DENND1B: variants seen among roughly 807,000 people sequenced by gnomAD.
DENND1B encodes DENN domain-containing protein 1B.
A neutral mutation model predicts 90.1 loss-of-function variants in DENND1B; 59 were observed. The observed-to-expected ratio is 0.65, with a 90% CI of 0.53 to 0.81. The LOEUF (loss-of-function observed/expected upper bound fraction) is 0.81. Ranked by LOEUF, DENND1B falls within the 40% of genes least tolerant of loss-of-function variation. The pLI, the probability that DENND1B is intolerant of heterozygous loss-of-function variation, is 0.00. For synonymous variants in DENND1B, 337 were observed against 324.6 expected (o/e 1.04, Z -0.41); for missense variants, 862 against 912.6 (o/e 0.94, Z 0.71).
At chr1:197,682,658 T>C (rs1308179021) in intron 3 of DENND1B, among the ~76,000 whole-genome samples, 1 of 152,074 alleles carries the variant, frequency 6.6e-6, no homozygotes, top group African/African-American at 2.4e-5. Context: ...AGAAATCCTA[T>C]GTAAATAGAG....
chr1:197,623,362 G>GA (rs1678347740), intron 10 of DENND1B, among the ~76,000 whole-genome samples: 1 of 151,124 alleles, frequency 6.6e-6, no homozygotes, highest in African/African-American at 2.4e-5. Flanking sequence ...AAACCATAAA[G>GA]AAAAAAACTG....
intron 14 of DENND1B, among the ~76,000 whole-genome samples, chr1:197,592,753 G>A (rs1675346716): frequency 6.6e-6 from 1 of 152,180 alleles, no homozygotes; most frequent in Admixed American, 6.5e-5. Flanking sequence ...GCCAGGTGAA[G>A]AGATGGCACC....
intron 16 of DENND1B, chr1:197,552,632 G>T (rs1235994423): frequency 3.7e-5 from 37 of 1,002,022 alleles, no homozygotes; most frequent in Non-Finnish European, 4.4e-5. Flanking sequence ...TTTTTGGATT[G>T]TATTACCAAT....
chr1:197,595,355 T>C (rs770285603), intron 13 of DENND1B, 22 bp from the exon 14 acceptor site: 6 of 1,609,666 alleles, frequency 3.7e-6, no homozygotes, highest in Non-Finnish European at 5.1e-6. Context: ...AGAGGAACAG[T>C]TAAATTAACA....
At chr1:197,517,803 A>G (rs915626798) in intron 20 of DENND1B, among the ~76,000 whole-genome samples, 2 of 151,806 alleles carry the variant, frequency 1.3e-5, no homozygotes, top group Admixed American at 6.6e-5. Flanking sequence ...TTTGCTCCAC[A>G]CTACTAAACC....
At chr1:197,635,003 G>A (rs979355734) in intron 10 of DENND1B, among the ~76,000 whole-genome samples, 2 of 147,822 alleles carry the variant, frequency 1.4e-5, no homozygotes, top group Non-Finnish European at 3.0e-5. Flanking sequence ...TGAAAAGGAA[G>A]GAAGGAAGCA....
intron 13 of DENND1B, among the ~76,000 whole-genome samples, chr1:197,596,458 G>A (rs1434658604): frequency 6.6e-6 from 1 of 151,764 alleles, no homozygotes; most frequent in Non-Finnish European, 1.5e-5. Context: ...ATTAAGTTGT[G>A]TAACAATTCT....
intron 2 of DENND1B, chr1:197,734,556 TA>T (rs1662459288): frequency 6.1e-6 from 6 of 977,796 alleles, no homozygotes; most frequent in Non-Finnish European, 7.3e-6. Context: ...GTTATTGGTA[TA>T]AAAAGAAAAA....
intron 2 of DENND1B, among the ~76,000 whole-genome samples, chr1:197,752,995 T>C (rs1393052324): frequency 1.3e-5 from 2 of 152,040 alleles, no homozygotes; most frequent in African/African-American, 2.4e-5. Context: ...TACTATTCCA[T>C]GGTGTATATG....
chr1:197,628,127 T>A (rs1452633781), intron 10 of DENND1B, among the ~76,000 whole-genome samples: 1 of 152,036 alleles, frequency 6.6e-6, no homozygotes, highest in Non-Finnish European at 1.5e-5. Context: ...TTCAATGCCA[T>A]CCCCATAAAG....
rs61476815 is a variant in DENND1B, at chr1:197,573,461, T to G, written c.1149+9691A>C. On this transcript the variant is annotated intron_variant, in intron 15 of 22. Coordinates refer to ENST00000620048, the MANE Select transcript of DENND1B (RefSeq NM_001195215.2). ...GCTCTGAAATTGTGGCAATAATCAA[T>G]AGCTTACCAACCAAAAAGAGTCCAG... Among the ~76,000 whole-genome samples the G allele has an allele frequency of 5.6e-3, 846 of 152,264 alleles. 5 individuals carry two copies. The highest frequency in any genetic ancestry group is 0.019 in the African/African-American group (810 of 41,548).
At chr1:197,716,642 GTT>G (rs751254516) in intron 2 of DENND1B, among the ~76,000 whole-genome samples, 158 of 151,906 alleles carry the variant, frequency 1.0e-3, no homozygotes, top group Non-Finnish European at 1.8e-3. Flanking sequence ...TTAAATGAAA[GTT>G]TTTATCTTCA....
chr1:197,725,111 G>C (rs1262591401), intron 2 of DENND1B, among the ~76,000 whole-genome samples: 2 of 152,060 alleles, frequency 1.3e-5, no homozygotes, highest in Non-Finnish European at 2.9e-5. Context: ...TTTAGATTTG[G>C]AAATGACAAC....
At chr1:197,719,820 TTA>T in intron 2 of DENND1B, among the ~76,000 whole-genome samples, 1 of 152,312 alleles carries the variant, frequency 6.6e-6, no homozygotes, top group East Asian at 1.9e-4. Context: ...TCCATTAATA[TTA>T]TATATTATAC....
At chr1:197,671,414 A>T (rs536469944) in intron 5 of DENND1B, among the ~76,000 whole-genome samples, 1 of 152,334 alleles carries the variant, frequency 6.6e-6, no homozygotes, top group Admixed American at 6.5e-5. Flanking sequence ...CAGGACAGAT[A>T]GGACCTTTGG....
chr1:197,721,797 C>A (rs1558443541), intron 2 of DENND1B, among the ~76,000 whole-genome samples: 1 of 151,942 alleles, frequency 6.6e-6, no homozygotes, highest in South Asian at 2.1e-4. Context: ...AAAATACCAC[C>A]AAAATGTTTT....
chr1:197,535,399 C>T (rs907366075), intron 20 of DENND1B, among the ~76,000 whole-genome samples: 2 of 152,164 alleles, frequency 1.3e-5, no homozygotes, highest in Non-Finnish European at 2.9e-5. Flanking sequence ...CCTATACAAA[C>T]TATGTTTTTT....
At chr1:197,645,788 TG>T in intron 8 of DENND1B, 45 bp from the exon 9 acceptor site, 1 of 1,279,128 alleles carries the variant, frequency 7.8e-7, no homozygotes. Context: ...TAATTAAAAC[TG>T]GTAACATATA....
intron 1 of DENND1B, 109 bp from the exon 2 acceptor site, chr1:197,773,041 C>A (rs2488396): frequency 1.1e-6 from 1 of 918,524 alleles, no homozygotes; most frequent in Non-Finnish European, 1.7e-6. Flanking sequence ...ATACATTTCA[C>A]GTGACTGTAT....
Sources: gnomAD v4.1 joint callset for allele counts (sites outside exome capture counted in the v4.1 genomes callset) on GRCh38, gnomAD v4.1.1 for gene constraint, MANE v1.5 for transcripts, NCBI Gene and HGNC (gene_info 2026-07-23, HGNC 2026-07-21) for gene names.